Variants in UNC13C observed in about 807,000 individuals in gnomAD.
The protein encoded by UNC13C is protein unc-13 homolog C.
Under a neutral mutation model 245.4 loss-of-function variants are expected in UNC13C, and 174 were observed. The observed-to-expected ratio is 0.71, with a 90% CI of 0.63 to 0.80. UNC13C has a LOEUF of 0.80. Ranked by LOEUF, UNC13C falls within the 30% of genes least tolerant of loss-of-function variation. The probability of loss-of-function intolerance (pLI) is 0.00; values close to 1 mark genes in which losing one functional copy is unlikely to be tolerated. For synonymous variants in UNC13C, 992 were observed against 895.1 expected (o/e 1.11, Z -1.93); for missense variants, 2,829 against 2,602.9 (o/e 1.09, Z -1.89).
rs10646701 is a variant in UNC13C at position 54,274,667 on chromosome 15, C to CTTTTTTTTTTT, written c.3818+9183_3818+9193dup. Among the ~76,000 whole-genome samples the CTTTTTTTTTTT allele has an allele frequency of 3.3e-4, 30 of 91,584 alleles. 3 individuals are homozygous for CTTTTTTTTTTT. The highest frequency in any genetic ancestry group is 8.5e-3 in the Middle Eastern group (1 of 118). 60.1% of individuals were successfully genotyped at this position (91,584 alleles called of 152,430 possible). ...ATGGTTAAAAAGCTAATAAAGTAGA[C>CTTTTTTTTTTT]TTTTTTTTTTTTTTTTTTTTTTGAG... On this transcript the variant is annotated intron_variant, in intron 10 of 32. Coordinates refer to ENST00000260323, the MANE Select transcript of UNC13C (RefSeq NM_001080534.3).
At chr15:53,941,548 A>G in the UNC13C span, among the ~76,000 whole-genome samples, 1 of 152,178 alleles carries the variant, frequency 6.6e-6, no homozygotes, top group South Asian at 2.1e-4. Flanking sequence ...TATGCATCTG[A>G]CAAAGGTCTA....
intron 32 of UNC13C, among the ~76,000 whole-genome samples, chr15:54,626,141 A>T (rs1037309572): frequency 9.5e-5 from 14 of 146,786 alleles, no homozygotes; most frequent in Non-Finnish European, 2.0e-4. Context: ...GGAGGAAGAC[A>T]GACTGTATCT....
intron 17 of UNC13C, among the ~76,000 whole-genome samples, chr15:54,392,309 A>G (rs982599646): frequency 6.6e-6 from 1 of 152,078 alleles, no homozygotes; most frequent in Non-Finnish European, 1.5e-5. Context: ...GTTAACCTCA[A>G]AGTAAATCTA....
At chr15:53,940,175 G>T in the UNC13C span, among the ~76,000 whole-genome samples, 2 of 152,102 alleles carry the variant, frequency 1.3e-5, no homozygotes, top group African/African-American at 4.8e-5. Context: ...AATGTAAAAA[G>T]GTTTGGGGGA....
chr15:53,965,434 A>G, the UNC13C span, among the ~76,000 whole-genome samples: 1 of 152,064 alleles, frequency 6.6e-6, no homozygotes, highest in Non-Finnish European at 1.5e-5. Flanking sequence ...GGATGTTTAA[A>G]TTTACAATTA....
chr15:54,418,766 T>C (rs2040573926), intron 19 of UNC13C, among the ~76,000 whole-genome samples: 1 of 152,162 alleles, frequency 6.6e-6, no homozygotes, highest in Non-Finnish European at 1.5e-5. Flanking sequence ...ATGAAGCTAA[T>C]TAGCATCCGC....
At chr15:53,904,247 C>T in the UNC13C span, among the ~76,000 whole-genome samples, 2 of 152,084 alleles carry the variant, frequency 1.3e-5, no homozygotes, top group Non-Finnish European at 2.9e-5. Context: ...CAAATAATTT[C>T]TTTAAGTAGC....
At chr15:54,477,084 T>G (rs1258109163) in intron 19 of UNC13C, among the ~76,000 whole-genome samples, 2 of 91,590 alleles carry the variant, frequency 2.2e-5, no homozygotes, top group Non-Finnish European at 4.4e-5. Context: ...TGAATGGGAG[T>G]TCACTCATGA....
At chr15:54,051,176 G>A (rs898475509) in intron 2 of UNC13C, among the ~76,000 whole-genome samples, 2 of 151,982 alleles carry the variant, frequency 1.3e-5, no homozygotes, top group African/African-American at 4.8e-5. Flanking sequence ...GACATAGAAA[G>A]GTTTTCCCCA....
At chr15:54,587,699 G>A (rs894539637) in intron 30 of UNC13C, among the ~76,000 whole-genome samples, 1 of 152,106 alleles carries the variant, frequency 6.6e-6, no homozygotes, top group Non-Finnish European at 1.5e-5. Flanking sequence ...GTGAAGGCCA[G>A]GTGAGAATGA....
At chr15:54,195,873 A>T (rs576690635) in intron 4 of UNC13C, among the ~76,000 whole-genome samples, 1 of 152,278 alleles carries the variant, frequency 6.6e-6, no homozygotes, top group Non-Finnish European at 1.5e-5. Flanking sequence ...CAAAGCTGGT[A>T]TATTAATTTA....
intron 4 of UNC13C, among the ~76,000 whole-genome samples, chr15:54,203,058 C>T (rs1281585217): frequency 1.3e-5 from 2 of 151,638 alleles, no homozygotes; most frequent in Admixed American, 6.6e-5. Flanking sequence ...TAAAAAAGGC[C>T]AACAAGCATA....
At chr15:53,888,439 C>T in the UNC13C span, among the ~76,000 whole-genome samples, 1 of 151,922 alleles carries the variant, frequency 6.6e-6, no homozygotes, top group Non-Finnish European at 1.5e-5. Flanking sequence ...CTTGTAGATT[C>T]TGGATATTAG....
chr15:53,958,737 T>C, the UNC13C span, among the ~76,000 whole-genome samples: 4 of 152,220 alleles, frequency 2.6e-5, no homozygotes, highest in Admixed American at 1.3e-4. Context: ...CCTTATGCTA[T>C]GTATAATGCT....
intron 1 of UNC13C, among the ~76,000 whole-genome samples, chr15:53,989,830 G>A (rs1403859057): frequency 6.6e-6 from 1 of 151,990 alleles, no homozygotes; most frequent in Admixed American, 6.6e-5. Flanking sequence ...TTAAAAGGGG[G>A]CTAATCCTAA....
intron 30 of UNC13C, among the ~76,000 whole-genome samples, chr15:54,592,359 T>A (rs1421352954): frequency 6.6e-6 from 1 of 152,204 alleles, no homozygotes; most frequent in Non-Finnish European, 1.5e-5. Flanking sequence ...GTCGACTTTC[T>A]GTCTTGATGA....
At chr15:54,299,917 G>A (rs2037531917) in intron 12 of UNC13C, among the ~76,000 whole-genome samples, 1 of 152,112 alleles carries the variant, frequency 6.6e-6, no homozygotes, top group African/African-American at 2.4e-5. Flanking sequence ...TACAAAGCCT[G>A]TTACTGTCAG....
intron 19 of UNC13C, among the ~76,000 whole-genome samples, chr15:54,421,697 T>C (rs1481027802): frequency 2.0e-5 from 3 of 152,124 alleles, no homozygotes; most frequent in Non-Finnish European, 4.4e-5. Flanking sequence ...TGATTCTTTA[T>C]AGACATCTCA....
intron 29 of UNC13C, among the ~76,000 whole-genome samples, chr15:54,558,903 A>G (rs961330954): frequency 6.6e-6 from 1 of 152,148 alleles, no homozygotes; most frequent in South Asian, 2.1e-4. Context: ...TTGAGTTCCA[A>G]CCCCATATCT....
Sources: gnomAD v4.1 joint callset for allele counts (sites outside exome capture counted in the v4.1 genomes callset) on GRCh38, gnomAD v4.1.1 for gene constraint, MANE v1.5 for transcripts, NCBI Gene and HGNC (gene_info 2026-07-23, HGNC 2026-07-21) for gene names.